The following RHOT1 variants were observed in gnomAD, a reference collection of about 807,000 sequenced individuals.
RHOT1 encodes the protein ras homolog family member T1.
In RHOT1, 27 loss-of-function variants were observed where a neutral mutation model predicts 95.3. The observed-to-expected ratio is 0.28, with a 90% CI of 0.21 to 0.39. The LOEUF (loss-of-function observed/expected upper bound fraction) is 0.39. Ranked by LOEUF, RHOT1 falls within the 10% of genes least tolerant of loss-of-function variation. The probability of loss-of-function intolerance (pLI) is 1.00; values close to 1 mark genes in which losing one functional copy is unlikely to be tolerated. For synonymous variants in RHOT1, 227 were observed against 263.5 expected (o/e 0.86, Z 1.34); for missense variants, 578 against 786.7 (o/e 0.73, Z 3.17).
chr17:32,183,005 T>A (rs890633528), intron 7 of RHOT1, 140 bp downstream of exon 7: 1 of 745,464 alleles, frequency 1.3e-6, no homozygotes, highest in Admixed American at 3.0e-5. Context: ...AACAGAGAAG[T>A]TGGAGTTGGC....
chr17:32,142,619 T>C lies in RHOT1; in HGVS notation c.-74T>C. ...CCGAAGAGGCTGGCAGGTGGCGCCG[T>C]GGGGTGGGTGCTCCTGGTGAGAGGA... On this transcript the variant is annotated 5_prime_UTR_variant, in exon 1 of 20. Transcript: ENST00000545287. 2 of 1,316,558 alleles carry C rather than the reference T, an allele frequency of 1.5e-6. No homozygotes were observed. Among genetic ancestry groups the C allele is most frequent in the Non-Finnish European group, 9.9e-7 (1 of 1,006,874 alleles). 81.6% of individuals were successfully genotyped at this position (1,316,558 alleles called of 1,614,324 possible).
chr17:32,211,861 A>G (rs931021198), intron 19 of RHOT1, among the ~76,000 whole-genome samples: 2 of 152,148 alleles, frequency 1.3e-5, no homozygotes, highest in African/African-American at 4.8e-5. Flanking sequence ...TTATAATTGA[A>G]CCAAAAGCAT....
intron 8 of RHOT1, among the ~76,000 whole-genome samples, chr17:32,188,757 A>G (rs2036241169): frequency 1.3e-5 from 2 of 152,220 alleles, no homozygotes; most frequent in African/African-American, 4.8e-5. Context: ...CTATGTAAGT[A>G]CCTACATGAC....
chr17:32,148,294 T>G (rs1421935563), intron 1 of RHOT1, among the ~76,000 whole-genome samples: 3 of 152,166 alleles, frequency 2.0e-5, no homozygotes, highest in African/African-American at 4.8e-5. Context: ...AGAAAATTCC[T>G]TAATAAGTAT....
intron 1 of RHOT1, among the ~76,000 whole-genome samples, chr17:32,144,625 A>T (rs2031010465): frequency 6.6e-6 from 1 of 152,158 alleles, no homozygotes; most frequent in Non-Finnish European, 1.5e-5. Context: ...AGGCAGGAGG[A>T]TCACTTGAGG....
intron 1 of RHOT1, among the ~76,000 whole-genome samples, chr17:32,146,507 G>A (rs552440035): frequency 1.4e-4 from 21 of 150,964 alleles, no homozygotes; most frequent in Non-Finnish European, 2.2e-4. Context: ...GTGCAGTGGC[G>A]CGATCTCGGC....
In RHOT1 at chr17:32,224,830, C is replaced by A; in HGVS notation, c.*97C>A. 3 of 688,014 alleles carry A rather than the reference C, an allele frequency of 4.4e-6. No individual in the cohort carries two copies. Among genetic ancestry groups the A allele is most frequent in the South Asian group, 2.2e-5 (1 of 46,002 alleles). The allele number at this position is 688,014 out of a possible 1,614,324, so 42.6% of individuals were successfully genotyped here. On this transcript the variant is annotated 3_prime_UTR_variant, in exon 20 of 20. Transcript: ENST00000545287. ...AGAATTATTGAGATATTTATACATG[C>A]AGAGTTACTTTATTAATATTTGTAA...
intron 6 of RHOT1, 71 bp downstream of exon 6, chr17:32,176,284 T>A: frequency 8.7e-7 from 1 of 1,147,708 alleles, no homozygotes; most frequent in Non-Finnish European, 1.3e-6. Flanking sequence ...CAAGAAGTAG[T>A]ACATTGAACT....
At position 32,164,327 on chromosome 17, in the gene RHOT1, G is replaced by A. The variant is rs191830223; in HGVS notation, c.38-6716G>A. Among the ~76,000 whole-genome samples the A allele has an allele frequency of 5.9e-4, 89 of 151,700 alleles. 3 individuals carry two copies. The highest frequency in any genetic ancestry group is 1.4e-3 in the Admixed American group (22 of 15,254). ...TGGCTCACTGCAGCCTCTGCCTCCCGGGTTCAAGCGATTCTTCTGCCTCAG... is the reference window on the plus strand; with the variant it reads ...TGGCTCACTGCAGCCTCTGCCTCCCAGGTTCAAGCGATTCTTCTGCCTCAG... On this transcript the variant is annotated intron_variant, in intron 1 of 19. Transcript: ENST00000545287.
intron 6 of RHOT1, among the ~76,000 whole-genome samples, chr17:32,180,263 C>T (rs1228075738): frequency 6.6e-6 from 1 of 151,960 alleles, no homozygotes; most frequent in Admixed American, 6.6e-5. Flanking sequence ...GTTACTGTGT[C>T]TGTGTAGAAA....
chr17:32,198,517 C>G (rs971284590), intron 11 of RHOT1, among the ~76,000 whole-genome samples: 1 of 152,060 alleles, frequency 6.6e-6, no homozygotes, highest in Non-Finnish European at 1.5e-5. Flanking sequence ...TTGAGCCAGC[C>G]TGGGCAACAT....
chr17:32,212,454 C>T lies in RHOT1; in HGVS notation c.1862+1216C>T, dbSNP rs368590632. 1.1e-4 allele frequency among the ~76,000 whole-genome samples: 16 copies of T among 152,196 alleles called. 1 individual carries two copies. The East Asian group carries it at 2.9e-3, about 27-fold the overall frequency. On this transcript the variant is annotated intron_variant, in intron 19 of 19. Transcript: ENST00000545287. ...GCACCTTGTAAAGTAGTAACATAGACAGATTCTCTCATGATGACTGACAGA... is the reference window on the plus strand; with the variant it reads ...GCACCTTGTAAAGTAGTAACATAGATAGATTCTCTCATGATGACTGACAGA...
At chr17:32,177,856 A>G (rs921954215) in intron 6 of RHOT1, among the ~76,000 whole-genome samples, 1 of 132,232 alleles carries the variant, frequency 7.6e-6, no homozygotes, top group East Asian at 2.3e-4. Context: ...TGGAGTTTCC[A>G]CTCTGTTGCC....
chr17:32,151,344 T>G (rs2032264864), intron 1 of RHOT1: 1 of 617,428 alleles, frequency 1.6e-6, no homozygotes. Flanking sequence ...CCTGGGAGGT[T>G]GAGGCTGCAG....
rs1401177878 is a variant in RHOT1 at position 32,198,968 on chromosome 17, C to T, written c.891C>T (p.Cys297=). Reference sequence around the variant, plus strand: ...ACAGGCTGAAAATACCTCCTGATTGCACTACTGAATTAAATCATCATGCAT... The same window carrying T: ...ACAGGCTGAAAATACCTCCTGATTGTACTACTGAATTAAATCATCATGCAT... ...LFPLLKIPPD[C]TTELNHHAYL... is the part of the protein sequence containing the mutation. The change falls in exon 12 of 20, where the codon TGC becomes TGT. Residue 297 remains cysteine (C), a synonymous_variant. Transcript: ENST00000545287. The T allele has an allele frequency of 1.2e-6, 2 of 1,609,002 alleles. No individual in the cohort carries two copies. Among genetic ancestry groups the T allele is most frequent in the Admixed American group, 3.3e-5 (2 of 59,844 alleles).
Position 32,207,111 on chromosome 17 carries a change from C to G in RHOT1, c.1536+82C>G, listed in dbSNP as rs147001894. 5.7e-5 allele frequency: 73 copies of G among 1,271,162 alleles called. 1 individual carries two copies. The highest frequency in any genetic ancestry group is 3.9e-4 in the Middle Eastern group (2 of 5,126). The allele number at this position is 1,271,162 out of a possible 1,614,324, so 78.7% of individuals were successfully genotyped here. ...ATTGCAGTGTGGTGTTTCCTAACCACAAAAATGCAACAAAATCATGTGTAT... is the reference window on the plus strand; with the variant it reads ...ATTGCAGTGTGGTGTTTCCTAACCAGAAAAATGCAACAAAATCATGTGTAT... On this transcript the variant is annotated intron_variant, in intron 17 of 19. Coordinates refer to ENST00000545287, the MANE Select transcript of RHOT1 (RefSeq NM_001033566.3).
At chr17:32,144,848 C>T in intron 1 of RHOT1, among the ~76,000 whole-genome samples, 1 of 151,496 alleles carries the variant, frequency 6.6e-6, no homozygotes, top group East Asian at 1.9e-4. Flanking sequence ...ACACTATTAG[C>T]TAGGCATGGT....
At chr17:32,203,077 A>G (rs1307689911) in intron 15 of RHOT1, among the ~76,000 whole-genome samples, 177 bp downstream of exon 15, 1 of 152,148 alleles carries the variant, frequency 6.6e-6, no homozygotes, top group Admixed American at 6.5e-5. Context: ...TTTCATTGAT[A>G]TTAGCTATCA....
chr17:32,183,051 C>A (rs1241347094), intron 7 of RHOT1, 120 bp from the exon 8 acceptor site: 2 of 819,242 alleles, frequency 2.4e-6, no homozygotes, highest in African/African-American at 1.7e-5. Context: ...GTTGTGATGT[C>A]CACAAAGATG....
Sources: allele counts gnomAD v4.1 joint callset (sites outside exome capture counted in the v4.1 genomes callset), GRCh38; gene constraint gnomAD v4.1.1; transcripts MANE v1.5; gene names NCBI Gene and HGNC (gene_info 2026-07-23, HGNC 2026-07-21).